GRIA3: variants seen among roughly 807,000 people sequenced by gnomAD.
GRIA3 encodes glutamate receptor 3.
In GRIA3, 3 loss-of-function variants were observed where a neutral mutation model predicts 63.0. The ratio of observed to expected loss-of-function variants is 0.05; its 90% CI spans 0.02 to 0.12. The LOEUF is 0.12. Among genes scored for constraint, GRIA3 ranks in the 10% least tolerant of loss-of-function variants. The pLI is 1.00. For synonymous variants in GRIA3, 274 were observed against 257.9 expected, an observed-to-expected ratio of 1.06 and a Z score of -0.60; for missense variants, 347 against 700.9, an observed-to-expected ratio of 0.50 and a Z score of 5.70.
chrX:123,475,183 T>G lies in GRIA3; in HGVS notation c.2325-4880T>G, dbSNP rs1332535870. Among the ~76,000 whole-genome samples the G allele has an allele frequency of 2.7e-5, 3 of 111,947 alleles. No homozygotes were observed. The East Asian group carries it at 8.3e-4, about 31-fold the overall frequency. On this transcript the variant is annotated intron_variant, in intron 13 of 15. Transcript: ENST00000620443. ...CCATCTGATCAGCAATCCATATGCA[T>G]TTTTATGACTTACATGCCACAAAAT... is the stretch of plus-strand genomic sequence containing the variant.
At chrX:123,451,115 G>C (rs2045727673) in intron 12 of GRIA3, among the ~76,000 whole-genome samples, 1 of 111,605 alleles carries the variant, frequency 9.0e-6, no homozygotes, top group African/African-American at 3.3e-5. Context: ...ACTTTGAGCA[G>C]AGGAATGACA....
At chrX:123,385,250 T>G (rs749121974) in intron 5 of GRIA3, among the ~76,000 whole-genome samples, 1 of 112,369 alleles carries the variant, frequency 8.9e-6, no homozygotes. Context: ...ACTTATTGAA[T>G]AGGGTATCCT....
At chrX:123,283,556 G>C (rs2044599270) in intron 3 of GRIA3, among the ~76,000 whole-genome samples, 2 of 111,097 alleles carry the variant, frequency 1.8e-5, no homozygotes, top group South Asian at 3.9e-4. Flanking sequence ...GGAGCTTGGT[G>C]GGGGGAGGGG....
chrX:123,453,139 C>G (rs924915980), intron 12 of GRIA3, among the ~76,000 whole-genome samples: 6 of 111,880 alleles, frequency 5.4e-5, no homozygotes, highest in African/African-American at 2.0e-4. Context: ...TTGGAACCAA[C>G]CCAAATGTCC....
intron 4 of GRIA3, 70 bp downstream of exon 4, chrX:123,326,283 G>T: frequency 1.1e-6 from 1 of 883,379 alleles, no homozygotes. Context: ...TCCCATATCT[G>T]CTAATAAATT....
chrX:123,385,883 G>T, intron 5 of GRIA3, among the ~76,000 whole-genome samples: 1 of 112,095 alleles, frequency 8.9e-6, no homozygotes, highest in Non-Finnish European at 1.9e-5. Flanking sequence ...TAATAGTGCT[G>T]CAATATACAT....
intron 2 of GRIA3, among the ~76,000 whole-genome samples, chrX:123,208,521 G>A (rs1456158875): frequency 8.9e-6 from 1 of 112,358 alleles, no homozygotes; most frequent in African/African-American, 3.2e-5. Flanking sequence ...GATTTGAGCT[G>A]TTTTGGGGTG....
At chrX:123,442,833 CT>C (rs11349023) in intron 12 of GRIA3, among the ~76,000 whole-genome samples, 43,826 of 98,626 alleles carry the variant, frequency 0.44, 8,664 homozygotes, top group Non-Finnish European at 0.57. Context: ...TTCTGCTTTG[CT>C]TTTTTTTTTT....
chrX:123,185,030 G>A (rs1017506457), intron 1 of GRIA3: 5 of 339,383 alleles, frequency 1.5e-5, no homozygotes, highest in Middle Eastern at 4.3e-4. Context: ...GTTGTCCCAG[G>A]GTGATGCCGA....
At chrX:123,487,540 T>C (rs2045948752) in intron 15 of GRIA3, among the ~76,000 whole-genome samples, 1 of 111,706 alleles carries the variant, frequency 9.0e-6, no homozygotes, top group African/African-American at 3.3e-5. Context: ...GCATTCTGGA[T>C]AACCAAGGTG....
At chrX:123,486,860 A>C (rs186110429) in intron 15 of GRIA3, among the ~76,000 whole-genome samples, 15 of 112,286 alleles carry the variant, frequency 1.3e-4, no homozygotes, top group African/African-American at 4.2e-4. Flanking sequence ...ATCAGAGCCC[A>C]CCTTGGGAGT....
chrX:123,218,357 G>A (rs1222922467), intron 2 of GRIA3, among the ~76,000 whole-genome samples: 2 of 112,492 alleles, frequency 1.8e-5, no homozygotes, highest in Non-Finnish European at 3.8e-5. Flanking sequence ...ACTGTTCTGA[G>A]TTGCAGCTGT....
At position 123,482,924 on chromosome X, in the gene GRIA3, A is replaced by G; in HGVS notation, c.2565A>G (p.Lys855=). 8.3e-7 allele frequency: 1 copy of G among 1,210,673 alleles called. No homozygotes were observed. The highest frequency in any genetic ancestry group is 1.7e-5 in the African/African-American group (1 of 57,564). The part of the protein sequence containing the change: ...EFCYKSRAES[K]RMKLTKNTQN... ...GTTACAAATCACGGGCAGAGTCCAAACGCATGAAACTCACAAAGAACACCC... is the reference window on the plus strand; with the variant it reads ...GTTACAAATCACGGGCAGAGTCCAAGCGCATGAAACTCACAAAGAACACCC... The change falls in exon 15 of 16, where the codon AAA becomes AAG. Residue 855 remains lysine, a synonymous_variant. Coordinates refer to ENST00000620443, the MANE Select transcript of GRIA3 (RefSeq NM_007325.5).
chrX:123,348,442 G>A (rs976326272), intron 4 of GRIA3, among the ~76,000 whole-genome samples: 7 of 111,477 alleles, frequency 6.3e-5, no homozygotes, highest in African/African-American at 1.6e-4. Context: ...ATTTCCCTTT[G>A]CTGTGATACT....
At chrX:123,401,157 A>T (rs1425854299) in intron 7 of GRIA3, among the ~76,000 whole-genome samples, 1 of 112,079 alleles carries the variant, frequency 8.9e-6, no homozygotes, top group Non-Finnish European at 1.9e-5. Context: ...CTAACATTCA[A>T]TACTGGACCA....
chrX:123,191,266 AC>A (rs956880776), intron 2 of GRIA3, among the ~76,000 whole-genome samples: 1 of 112,523 alleles, frequency 8.9e-6, no homozygotes, highest in Non-Finnish European at 1.9e-5. Context: ...TGGCTTTGTT[AC>A]TTTGGGTCTT....
chrX:123,308,658 G>A (rs1363119293), intron 3 of GRIA3, among the ~76,000 whole-genome samples: 1 of 111,289 alleles, frequency 9.0e-6, no homozygotes, highest in Non-Finnish European at 1.9e-5. Flanking sequence ...TTAGGACTTG[G>A]GTTACTGGAA....
chrX:123,294,921 T>C (rs1357369902), intron 3 of GRIA3, among the ~76,000 whole-genome samples: 2 of 112,073 alleles, frequency 1.8e-5, no homozygotes, highest in Non-Finnish European at 3.8e-5. Context: ...TTTTTAATTT[T>C]TTGTTGTTTT....
chrX:123,309,374 A>G (rs2044775620), intron 3 of GRIA3, among the ~76,000 whole-genome samples: 1 of 110,991 alleles, frequency 9.0e-6, no homozygotes, highest in African/African-American at 3.3e-5. Flanking sequence ...AAAAAAAAAA[A>G]AAAGCCATAA....
Sources: gnomAD v4.1 joint callset for allele counts (sites outside exome capture counted in the v4.1 genomes callset) on GRCh38, gnomAD v4.1.1 for gene constraint, MANE v1.5 for transcripts, NCBI Gene and HGNC (gene_info 2026-07-23, HGNC 2026-07-21) for gene names.